The following THSD7A variants were observed in gnomAD, a reference collection of about 807,000 sequenced individuals.
The protein encoded by THSD7A is thrombospondin type-1 domain-containing protein 7A.
In THSD7A, 96 loss-of-function variants were observed where a neutral mutation model predicts 231.3. The observed-to-expected ratio is 0.41, with a 90% CI of 0.35 to 0.49. The LOEUF (loss-of-function observed/expected upper bound fraction) is 0.49, where lower values mean the gene tolerates loss of function less well. Ranked by LOEUF, THSD7A falls within the 20% of genes least tolerant of loss-of-function variation. The pLI is 0.05. For synonymous variants in THSD7A, 940 were observed against 743.3 expected (o/e 1.26, Z -4.30); for missense variants, 2,290 against 2,070.2 (o/e 1.11, Z -2.06).
At chr7:11,615,220 C>A (rs1196386331) in intron 2 of THSD7A, among the ~76,000 whole-genome samples, 3 of 152,144 alleles carry the variant, frequency 2.0e-5, no homozygotes, top group Non-Finnish European at 4.4e-5. Flanking sequence ...CTGTATGCAA[C>A]CAAGGGACAT....
rs73676056 is a variant in THSD7A, at chr7:11,639,077, T to A, written c.191-2116A>T. On this transcript the variant is annotated intron_variant, in intron 1 of 27. Coordinates refer to ENST00000423059, the MANE Select transcript of THSD7A (RefSeq NM_015204.3). ...CATCTGAACACAACATATAAAGACA[T>A]ATTTATATCAGACTCTCAAATTAAG... Among the ~76,000 whole-genome samples, 465 of 152,262 alleles carry A rather than the reference T, an allele frequency of 3.1e-3. 1 individual carries two copies. Among genetic ancestry groups the A allele is most frequent in the African/African-American group, 9.8e-3 (406 of 41,546 alleles).
intron 27 of THSD7A, among the ~76,000 whole-genome samples, chr7:11,376,257 T>A (rs1207822724): frequency 6.6e-6 from 1 of 152,144 alleles, no homozygotes; most frequent in East Asian, 1.9e-4. Flanking sequence ...TAGGTATTAC[T>A]GTAATATCTT....
intron 4 of THSD7A, among the ~76,000 whole-genome samples, chr7:11,558,639 G>A (rs1789947956): frequency 6.6e-6 from 1 of 152,122 alleles, no homozygotes. Flanking sequence ...AAGAACTTAT[G>A]TCTCATAAAA....
intron 15 of THSD7A, 107 bp downstream of exon 15, chr7:11,426,559 C>A: frequency 8.2e-7 from 1 of 1,221,038 alleles, no homozygotes. Flanking sequence ...CATTTTCTCC[C>A]TGTAAAACAT....
At chr7:11,824,910 T>C (rs762206618) in intron 1 of THSD7A, among the ~76,000 whole-genome samples, 3 of 152,124 alleles carry the variant, frequency 2.0e-5, no homozygotes, top group Non-Finnish European at 2.9e-5. Context: ...TGAGATACAA[T>C]AATAAAATGA....
intron 1 of THSD7A, among the ~76,000 whole-genome samples, chr7:11,764,619 C>G (rs1225769417): frequency 2.7e-5 from 4 of 150,858 alleles, no homozygotes; most frequent in African/African-American, 9.7e-5. Context: ...CTACAATTAC[C>G]TTAGTTTCTC....
intron 1 of THSD7A, among the ~76,000 whole-genome samples, chr7:11,662,358 A>G (rs532008561): frequency 5.0e-4 from 76 of 151,504 alleles, no homozygotes; most frequent in African/African-American, 1.8e-3. Context: ...CAGAAGGATG[A>G]ATCACTTCTA....
Position 11,590,620 on chromosome 7 carries a change from C to T in THSD7A, c.1293G>A (p.Glu431=). ...PCATYGWRTT[E]WTECRVDPLL... Reference sequence around the variant, plus strand: ...AAGGGTCCACACGGCACTCAGTCCACTCTGTAGTTCTCCAGCCATACCTAA... The same window carrying T: ...AAGGGTCCACACGGCACTCAGTCCATTCTGTAGTTCTCCAGCCATACCTAA... The change falls in exon 4 of 28, where the codon GAG becomes GAA. Residue 431 remains glutamate (E), a synonymous_variant. Coordinates refer to ENST00000423059, the MANE Select transcript of THSD7A (RefSeq NM_015204.3). This position sits in a 1 kb window ranked among gnomAD's most constrained non-coding sequence, Gnocchi z 4.4. The T allele has an allele frequency of 6.2e-7, 1 of 1,609,674 alleles. No individual in the cohort carries two copies. The highest frequency in any genetic ancestry group is 8.5e-7 in the Non-Finnish European group (1 of 1,178,292).
chr7:11,409,136 TA>T (rs1223997998), intron 19 of THSD7A, among the ~76,000 whole-genome samples: 1 of 152,156 alleles, frequency 6.6e-6, no homozygotes, highest in East Asian at 1.9e-4. Flanking sequence ...TTCAAAAATC[TA>T]AGAAATAGGA....
chr7:11,578,800 C>T (rs1791030817), intron 4 of THSD7A, among the ~76,000 whole-genome samples: 2 of 152,132 alleles, frequency 1.3e-5, no homozygotes, highest in African/African-American at 4.8e-5. Context: ...ACTGAAATAG[C>T]ACTGGTTTTG....
At chr7:11,779,810 T>C (rs1486499193) in intron 1 of THSD7A, among the ~76,000 whole-genome samples, 1 of 152,192 alleles carries the variant, frequency 6.6e-6, no homozygotes, top group Admixed American at 6.5e-5. Flanking sequence ...ACTAAATAAT[T>C]TATGAATGTA....
chr7:11,551,891 T>C (rs954415664), intron 4 of THSD7A, among the ~76,000 whole-genome samples: 5 of 152,072 alleles, frequency 3.3e-5, no homozygotes, highest in Admixed American at 3.3e-4. Context: ...GACATATGCA[T>C]GCATATGTTC....
chr7:11,773,230 A>C (rs1417197341), intron 1 of THSD7A, among the ~76,000 whole-genome samples: 1 of 152,216 alleles, frequency 6.6e-6, no homozygotes, highest in African/African-American at 2.4e-5. Context: ...TGTAAAGTCA[A>C]TACCTAAAGA....
intron 1 of THSD7A, among the ~76,000 whole-genome samples, chr7:11,714,454 T>C (rs891535859): frequency 1.3e-5 from 2 of 151,230 alleles, no homozygotes; most frequent in African/African-American, 4.8e-5. Context: ...CCATTTTGTA[T>C]AGATTGAGCT....
intron 2 of THSD7A, among the ~76,000 whole-genome samples, chr7:11,609,947 C>G (rs1780866775): frequency 6.6e-6 from 1 of 152,010 alleles, no homozygotes; most frequent in Admixed American, 6.6e-5. Flanking sequence ...CTCTACATCT[C>G]TAAATTAGGG....
rs1311186983 is a variant in THSD7A, at chr7:11,814,308, G to A, written c.190+17449C>T. ...TATCAAATAAAGCTGTTAAAAGAAT[G>A]GCTCTGTGATGGCAATCCCAAGTAT... On this transcript the variant is annotated intron_variant, in intron 1 of 27. Coordinates refer to ENST00000423059, the MANE Select transcript of THSD7A (RefSeq NM_015204.3). The surrounding 1 kb of genome is among the most constrained non-coding windows in gnomAD (Gnocchi z 5.1). 6.6e-6 allele frequency among the ~76,000 whole-genome samples: 1 copy of A among 152,176 alleles called. No individual in the cohort carries two copies. The highest frequency in any genetic ancestry group is 1.5e-5 in the Non-Finnish European group (1 of 68,026).
chr7:11,547,475 A>G (rs1353220749), intron 4 of THSD7A, among the ~76,000 whole-genome samples: 1 of 152,168 alleles, frequency 6.6e-6, no homozygotes, highest in East Asian at 1.9e-4. Context: ...TCTGGGACCT[A>G]AACTTCACGC....
intron 4 of THSD7A, among the ~76,000 whole-genome samples, chr7:11,559,134 C>CT (rs1789971784): frequency 6.6e-6 from 1 of 152,118 alleles, no homozygotes; most frequent in South Asian, 2.1e-4. Flanking sequence ...AGATCTCAGT[C>CT]TTTGAACTCG....
chr7:11,521,867 T>C (rs1421050535), intron 6 of THSD7A, among the ~76,000 whole-genome samples: 1 of 151,986 alleles, frequency 6.6e-6, no homozygotes, highest in Non-Finnish European at 1.5e-5. Flanking sequence ...CACCATTCAG[T>C]AAAACAATTC....
Sources: gnomAD v4.1 joint callset for allele counts (sites outside exome capture counted in the v4.1 genomes callset) on GRCh38, gnomAD v4.1.1 for gene constraint, Gnocchi (gnomAD v3.1) non-coding constraint, MANE v1.5 for transcripts, NCBI Gene and HGNC (gene_info 2026-07-23, HGNC 2026-07-21) for gene names.